Variants in HNRNPA0 observed in about 807,000 individuals in gnomAD.
HNRNPA0 encodes heterogeneous nuclear ribonucleoprotein A0, also known as hnRNA binding protein.
For synonymous variants in HNRNPA0, 243 were observed against 195.5 expected (o/e 1.24, Z -2.03); for missense variants, 252 against 433.7 (o/e 0.58, Z 3.72).
chr5:137,754,192 C>G lies in HNRNPA0; in HGVS notation c.-126G>C. The G allele has an allele frequency of 7.8e-7, 1 of 1,279,550 alleles. No individual in the cohort carries two copies. The highest frequency in any genetic ancestry group is 1.1e-6 in the Non-Finnish European group (1 of 947,208). The allele number at this position is 1,279,550 out of a possible 1,614,324, so 79.3% of individuals were successfully genotyped here. On this transcript the variant is annotated 5_prime_UTR_variant, in exon 1 of 1. Transcript: ENST00000314940. ...TTGCTGGAGCCACCCCCGCCGCTCA[C>G]CGACGGGGAAGGGAAAAAGGGAAGG...
At position 137,750,135 on chromosome 5, in the gene HNRNPA0, A is replaced by C. The variant is rs1373723463; in HGVS notation, c.*3014T>G. The C allele has an allele frequency of 1.3e-5, 2 of 152,204 alleles. No homozygotes were observed. The highest frequency in any genetic ancestry group is 2.9e-5 in the Non-Finnish European group (2 of 68,014). 9.4% of individuals were successfully genotyped at this position (152,204 alleles called of 1,614,324 possible). A position where few individuals can be genotyped will look rare whatever the true frequency, so the allele number is the denominator to read the frequency against. On this transcript the variant is annotated 3_prime_UTR_variant, in exon 1 of 1. Transcript: ENST00000314940. Reference sequence around the variant, plus strand: ...AAAAACACTACAGATATTCCAATCAAAAAATCTAAAATGCTCCAAAATCCG... The same window carrying C: ...AAAAACACTACAGATATTCCAATCACAAAATCTAAAATGCTCCAAAATCCG...
chr5:137,754,101 C>T lies in HNRNPA0; in HGVS notation c.-35G>A, dbSNP rs1471933373. On this transcript the variant is annotated 5_prime_UTR_variant, in exon 1 of 1. Transcript: ENST00000314940. ...CCGGGCCTTGCCCCCGCCCTGCGAG[C>T]TCCGAGGTTTCGCCGTCGCCGCCGT... 3 of 1,569,326 alleles carry T rather than the reference C, an allele frequency of 1.9e-6. No homozygotes were observed. The highest frequency in any genetic ancestry group is 2.3e-5 in the East Asian group (1 of 43,706).
At position 137,752,581 on chromosome 5, in the gene HNRNPA0, T is replaced by C. The variant is rs1384172481; in HGVS notation, c.*568A>G. 1 of 152,392 alleles carries C rather than the reference T, an allele frequency of 6.6e-6. No homozygotes were observed. The highest frequency in any genetic ancestry group is 2.4e-5 in the African/African-American group (1 of 41,396). The allele number at this position is 152,392 out of a possible 1,614,324, so 9.4% of individuals were successfully genotyped here. A position where few individuals can be genotyped will look rare whatever the true frequency, so the allele number is the denominator to read the frequency against. Reference sequence around the variant, plus strand: ...TAAACAAATATCCCTTAAAAAACGGTACGGAATGGATCCTAGAAAAAAAAT... The same window carrying C: ...TAAACAAATATCCCTTAAAAAACGGCACGGAATGGATCCTAGAAAAAAAAT... On this transcript the variant is annotated 3_prime_UTR_variant, in exon 1 of 1. Coordinates refer to ENST00000314940, the MANE Select transcript of HNRNPA0 (RefSeq NM_006805.4).
In HNRNPA0 at chr5:137,753,205, CACT is replaced by C; in HGVS notation, c.859_861del (p.Ser287del). The C allele has an allele frequency of 1.2e-6, 2 of 1,613,828 alleles. No homozygotes were observed. The highest frequency in any genetic ancestry group is 1.7e-6 in the Non-Finnish European group (2 of 1,179,974). On this transcript the variant is annotated inframe_deletion, in exon 1 of 1. Transcript: ENST00000314940. The surrounding 1 kb of genome is among the most constrained non-coding windows in gnomAD (Gnocchi z 6.1). ...CCGCCATAGCCGCCTCTGTAAGGTC[CACT>C]ATTACTGCGACCGCCCCAGCTACTG...
At position 137,753,782 on chromosome 5, in the gene HNRNPA0, G is replaced by C. The variant is rs1474317979; in HGVS notation, c.285C>G (p.Ala95=). ...REDSARPGAH[A]KVKKLFVGGL... is the part of the protein sequence containing the mutation. ...CTCCGACAAAGAGCTTCTTAACCTT[G>C]GCGTGGGCACCGGGCCGCGCCGAAT... is the stretch of plus-strand genomic sequence containing the variant. Residue 95 remains alanine (A), a synonymous_variant, in exon 1 of 1, where the codon GCC becomes GCG. Transcript: ENST00000314940. This position sits in a 1 kb window ranked among gnomAD's most constrained non-coding sequence, Gnocchi z 6.1. 2 of 1,610,824 alleles carry C rather than the reference G, an allele frequency of 1.2e-6. No homozygotes were observed. The highest frequency in any genetic ancestry group is 2.2e-5 in the East Asian group (1 of 44,872).
rs184458018 is a variant in HNRNPA0, at chr5:137,746,418, C to G, written c.*6731G>C. On this transcript the variant is annotated 3_prime_UTR_variant, in exon 1 of 1. Transcript: ENST00000314940. Reference sequence around the variant, plus strand: ...CCCCTCTGGCCTCATTATTCCTTTCCTCCTCTTCCTTCAGGTCCAACAACC... The same window carrying G: ...CCCCTCTGGCCTCATTATTCCTTTCGTCCTCTTCCTTCAGGTCCAACAACC... The G allele has an allele frequency of 1.3e-5, 2 of 152,294 alleles. No homozygotes were observed. Among genetic ancestry groups the G allele is most frequent in the Non-Finnish European group, 1.5e-5 (1 of 68,032 alleles). 9.4% of individuals were successfully genotyped at this position (152,294 alleles called of 1,614,324 possible).
In HNRNPA0 at chr5:137,754,092, C is replaced by T. The variant is rs1753557796; in HGVS notation, c.-26G>A. 2 of 1,583,830 alleles carry T rather than the reference C, an allele frequency of 1.3e-6. No homozygotes were observed. The highest frequency in any genetic ancestry group is 2.3e-5 in the East Asian group (1 of 44,174). ...CTCCAAGGCCCGGGCCTTGCCCCCG[C>T]CCTGCGAGCTCCGAGGTTTCGCCGT... On this transcript the variant is annotated 5_prime_UTR_variant, in exon 1 of 1. Coordinates refer to ENST00000314940, the MANE Select transcript of HNRNPA0 (RefSeq NM_006805.4).
rs954129435 is a variant in HNRNPA0 at position 137,751,157 on chromosome 5, C to G, written c.*1992G>C. On this transcript the variant is annotated 3_prime_UTR_variant, in exon 1 of 1. Transcript: ENST00000314940. ...CAAAGGATTTGACTATGTATTACCTCAATGTGTAAAAACATCCACCCCGTT... is the reference window on the plus strand; with the variant it reads ...CAAAGGATTTGACTATGTATTACCTGAATGTGTAAAAACATCCACCCCGTT... 5 of 152,040 alleles carry G rather than the reference C, an allele frequency of 3.3e-5. No individual in the cohort carries two copies. Among genetic ancestry groups the G allele is most frequent in the African/African-American group, 1.2e-4 (5 of 41,394 alleles). The allele number at this position is 152,040 out of a possible 1,614,324, so 9.4% of individuals were successfully genotyped here.
At position 137,749,110 on chromosome 5, in the gene HNRNPA0, A is replaced by G. The variant is rs1373558917; in HGVS notation, c.*4039T>C. The G allele has an allele frequency of 6.6e-6, 1 of 152,224 alleles. No individual in the cohort carries two copies. Among genetic ancestry groups the G allele is most frequent in the South Asian group, 2.1e-4 (1 of 4,838 alleles). 9.4% of individuals were successfully genotyped at this position (152,224 alleles called of 1,614,324 possible). ...TCTTACACAAAGGTGCCTAACACCC[A>G]ATGAAATTGACGGTAAACACTGGGA... On this transcript the variant is annotated 3_prime_UTR_variant, in exon 1 of 1. Transcript: ENST00000314940.
rs764624903 is a variant in HNRNPA0, at chr5:137,753,168, T to A, written c.899A>T (p.Tyr300Phe). Reference sequence around the variant, plus strand: ...TTTCTTTTAGAAGGAGCTGCCTCCATAGCCACCCCCACCGCCATAGCCGCC... The same window carrying A: ...TTTCTTTTAGAAGGAGCTGCCTCCAAAGCCACCCCCACCGCCATAGCCGCC... The part of the protein sequence containing the change: ...YRGGYGGGGG[Y>F]GGSSF The change falls in exon 1 of 1, where the codon TAT (tyrosine) becomes TTT (phenylalanine). Residue 300 changes from tyrosine to phenylalanine, a missense_variant. Transcript: ENST00000314940. This position sits in a 1 kb window ranked among gnomAD's most constrained non-coding sequence, Gnocchi z 6.1. 5.6e-6 allele frequency: 9 copies of A among 1,613,070 alleles called. No individual in the cohort carries two copies. The African/African-American group carries it at 9.3e-5, about 17-fold the overall frequency.
Position 137,753,725 on chromosome 5 carries a change from C to A in HNRNPA0, c.342G>T (p.Leu114=), listed in dbSNP as rs1276773212. Reference sequence around the variant, plus strand: ...TGCCAAACTGCGAGAAGTGCTCGATCAGGTCGCCCTCAGCCACGTCTCCTT... The same window carrying A: ...TGCCAAACTGCGAGAAGTGCTCGATAAGGTCGCCCTCAGCCACGTCTCCTT... ...GLKGDVAEGD[L]IEHFSQFGTV... Residue 114 remains leucine (L), a synonymous_variant, in exon 1 of 1, where the codon CTG becomes CTT. Transcript: ENST00000314940. The surrounding 1 kb of genome is among the most constrained non-coding windows in gnomAD (Gnocchi z 6.1). 6.2e-7 allele frequency: 1 copy of A among 1,613,306 alleles called. No homozygotes were observed. The highest frequency in any genetic ancestry group is 8.5e-7 in the Non-Finnish European group (1 of 1,180,048).
At position 137,750,552 on chromosome 5, in the gene HNRNPA0, A is replaced by G. The variant is rs542661908; in HGVS notation, c.*2597T>C. 2.0e-5 allele frequency: 3 copies of G among 152,270 alleles called. No homozygotes were observed. In the East Asian group the frequency reaches 5.8e-4, roughly 29 times the overall value. The allele number at this position is 152,270 out of a possible 1,614,324, so 9.4% of individuals were successfully genotyped here. A position where few individuals can be genotyped will look rare whatever the true frequency, so the allele number is the denominator to read the frequency against. On this transcript the variant is annotated 3_prime_UTR_variant, in exon 1 of 1. Coordinates refer to ENST00000314940, the MANE Select transcript of HNRNPA0 (RefSeq NM_006805.4). The stretch of plus-strand genomic sequence containing the variant: ...TACCACCTGCTCCCATGAACTCTTA[A>G]ATCTGAATAATGTTCAGATAATTTT...
In HNRNPA0 at chr5:137,753,113, CCCCTAT is replaced by C; in HGVS notation, c.*30_*35del. On this transcript the variant is annotated 3_prime_UTR_variant, in exon 1 of 1. Coordinates refer to ENST00000314940, the MANE Select transcript of HNRNPA0 (RefSeq NM_006805.4). This position sits in a 1 kb window ranked among gnomAD's most constrained non-coding sequence, Gnocchi z 6.1. ...CCACTTGGGCTGTTGGAAAGAGCTACCCCTATAGCCACTCCCAGGCATTTTAAATTT... is the reference window on the plus strand; with the variant it reads ...CCACTTGGGCTGTTGGAAAGAGCTACAGCCACTCCCAGGCATTTTAAATTT... 6.3e-7 allele frequency: 1 copy of C among 1,579,978 alleles called. No individual in the cohort carries two copies. Among genetic ancestry groups the C allele is most frequent in the Non-Finnish European group, 8.6e-7 (1 of 1,160,804 alleles).
rs1053697513 is a variant in HNRNPA0 at position 137,748,288 on chromosome 5, A to G, written c.*4861T>C. The G allele has an allele frequency of 6.6e-6, 1 of 152,146 alleles. No individual in the cohort carries two copies. Among genetic ancestry groups the G allele is most frequent in the Non-Finnish European group, 1.5e-5 (1 of 68,016 alleles). 9.4% of individuals were successfully genotyped at this position (152,146 alleles called of 1,614,324 possible). On this transcript the variant is annotated 3_prime_UTR_variant, in exon 1 of 1. Coordinates refer to ENST00000314940, the MANE Select transcript of HNRNPA0 (RefSeq NM_006805.4). ...GAAGTCACCTCTCCTCAACACTCAC[A>G]TTATTTATACCTTCCTAATATTAAC...
Position 137,753,662 on chromosome 5 carries a change from G to A in HNRNPA0, c.405C>T (p.Ser135=), listed in dbSNP as rs1383307238. 1.2e-5 allele frequency: 19 copies of A among 1,614,080 alleles called. No individual in the cohort carries two copies. The highest frequency in any genetic ancestry group is 1.5e-5 in the Non-Finnish European group (18 of 1,180,032). The change falls in exon 1 of 1, where the codon TCC becomes TCT. Residue 135 remains serine (S), a synonymous_variant. Transcript: ENST00000314940. This position sits in a 1 kb window ranked among gnomAD's most constrained non-coding sequence, Gnocchi z 6.1. ...CGAAGCCGAATCCACGCTTCTTGCC[G>A]GACTGCTTGTCGGCAATAATCTCGG... ...EKAEIIADKQ[S]GKKRGFGFVY...
In HNRNPA0 at chr5:137,750,924, C is replaced by T. The variant is rs1753485514; in HGVS notation, c.*2225G>A. ...CTATTCCAATTGACCCAGATCTTCC[C>T]ACCAAAACTGAGTAAGTCAAGCAGA... On this transcript the variant is annotated 3_prime_UTR_variant, in exon 1 of 1. Coordinates refer to ENST00000314940, the MANE Select transcript of HNRNPA0 (RefSeq NM_006805.4). 6.6e-6 allele frequency: 1 copy of T among 152,012 alleles called. No homozygotes were observed. Among genetic ancestry groups the T allele is most frequent in the Non-Finnish European group, 1.5e-5 (1 of 67,972 alleles). 9.4% of individuals were successfully genotyped at this position (152,012 alleles called of 1,614,324 possible).
At position 137,753,206 on chromosome 5, in the gene HNRNPA0, A is replaced by G. The variant is rs768479549; in HGVS notation, c.861T>C (p.Ser287=). The change falls in exon 1 of 1, where the codon AGT becomes AGC. Residue 287 remains serine, a synonymous_variant. Coordinates refer to ENST00000314940, the MANE Select transcript of HNRNPA0 (RefSeq NM_006805.4). The surrounding 1 kb of genome is among the most constrained non-coding windows in gnomAD (Gnocchi z 6.1). Reference sequence around the variant, plus strand: ...CGCCATAGCCGCCTCTGTAAGGTCCACTATTACTGCGACCGCCCCAGCTAC... The same window carrying G: ...CGCCATAGCCGCCTCTGTAAGGTCCGCTATTACTGCGACCGCCCCAGCTAC... ...GGSSWGGRSN[S]GPYRGGYGGG... is the part of the protein sequence containing the mutation. The G allele has an allele frequency of 1.9e-6, 3 of 1,613,460 alleles. No individual in the cohort carries two copies. The South Asian group carries it at 3.3e-5, about 18-fold the overall frequency.
rs79793027 is a variant in HNRNPA0, at chr5:137,752,459, G to C, written c.*690C>G. 6.6e-6 allele frequency: 1 copy of C among 152,054 alleles called. No homozygotes were observed. Among genetic ancestry groups the C allele is most frequent in the Non-Finnish European group, 1.5e-5 (1 of 68,018 alleles). The allele number at this position is 152,054 out of a possible 1,614,324, so 9.4% of individuals were successfully genotyped here. Reference sequence around the variant, plus strand: ...GCCTGTAAGGGATATAATTCAACACGCAACTAGCAGGGCAACAGGAGAGGG... The same window carrying C: ...GCCTGTAAGGGATATAATTCAACACCCAACTAGCAGGGCAACAGGAGAGGG... On this transcript the variant is annotated 3_prime_UTR_variant, in exon 1 of 1. Transcript: ENST00000314940.
rs1753462714 is a variant in HNRNPA0, at chr5:137,749,549, C to T, written c.*3600G>A. On this transcript the variant is annotated 3_prime_UTR_variant, in exon 1 of 1. Transcript: ENST00000314940. ...GCAGGACAGCTAAGGAGTTATTTGA[C>T]TAGGCAGTCTTTGTTGCTGTTTCAA... 1 of 152,174 alleles carries T rather than the reference C, an allele frequency of 6.6e-6. No individual in the cohort carries two copies. Among genetic ancestry groups the T allele is most frequent in the African/African-American group, 2.4e-5 (1 of 41,450 alleles). 9.4% of individuals were successfully genotyped at this position (152,174 alleles called of 1,614,324 possible).
Sources: allele counts gnomAD v4.1 joint callset, GRCh38; gene constraint gnomAD v4.1.1; non-coding constraint Gnocchi (gnomAD v3.1); transcripts MANE v1.5; gene names NCBI Gene and HGNC (gene_info 2026-07-23, HGNC 2026-07-21).